Variants in STAM2 observed in about 807,000 individuals in gnomAD.
STAM2 encodes signal transducing adaptor molecule 2.
In STAM2, 51 loss-of-function variants were observed where a neutral mutation model predicts 65.6. That is an observed-to-expected ratio of 0.78 (90% CI 0.62 to 0.98). The LOEUF is 0.98. Among genes scored for constraint, STAM2 ranks in the 50% least tolerant of loss-of-function variants. The probability of loss-of-function intolerance (pLI) is 0.00; values close to 1 mark genes in which losing one functional copy is unlikely to be tolerated. For missense variants in STAM2, 584 were observed against 617.8 expected, an observed-to-expected ratio of 0.95 and a Z score of 0.58; for synonymous variants, 198 against 208.4, an observed-to-expected ratio of 0.95 and a Z score of 0.43.
chr2:152,166,032 G>C (rs961238095), intron 1 of STAM2, among the ~76,000 whole-genome samples: 1 of 152,084 alleles, frequency 6.6e-6, no homozygotes, highest in African/African-American at 2.4e-5. Context: ...GCGAAACTCT[G>C]TCTCTACTGA....
In STAM2 at chr2:152,133,490, G is replaced by A. The variant is rs1005188636; in HGVS notation, c.800-6C>T. ...ATTCAATTTGTCCACAGCCGCTATA[G>A]AAACAAAGTAATTTTAAGTTCCTCA... On this transcript the variant is annotated splice_polypyrimidine_tract_variant and splice_region_variant and intron_variant, in intron 8 of 13. Transcript: ENST00000263904. 6.2e-7 allele frequency: 1 copy of A among 1,607,416 alleles called. No individual in the cohort carries two copies. The highest frequency in any genetic ancestry group is 8.5e-7 in the Non-Finnish European group (1 of 1,176,654).
intron 7 of STAM2, among the ~76,000 whole-genome samples, chr2:152,137,578 A>G (rs1379169212): frequency 6.6e-6 from 1 of 152,122 alleles, no homozygotes; most frequent in African/African-American, 2.4e-5. Context: ...TCTTTTCAGC[A>G]TATGTTTATG....
chr2:152,149,038 T>C (rs1237914093), intron 2 of STAM2, among the ~76,000 whole-genome samples: 1 of 152,254 alleles, frequency 6.6e-6, no homozygotes, highest in Admixed American at 6.5e-5. Flanking sequence ...CTCTTCTAAA[T>C]TTCTAACATA....
chr2:152,117,923 CTAA>C lies in STAM2; in HGVS notation c.*2648_*2650del, dbSNP rs1220464131. On this transcript the variant is annotated 3_prime_UTR_variant, in exon 14 of 14. Transcript: ENST00000263904. ...TTCAAATCCTAACAAATATAATTAC[CTAA>C]TGTTTAAGTAATTTTATAAATAAAT... is the stretch of plus-strand genomic sequence containing the variant. 4 of 151,954 alleles carry C rather than the reference CTAA, an allele frequency of 2.6e-5. No homozygotes were observed. Among genetic ancestry groups the C allele is most frequent in the African/African-American group, 9.7e-5 (4 of 41,384 alleles). 9.4% of individuals were successfully genotyped at this position (151,954 alleles called of 1,614,324 possible). A position where few individuals can be genotyped will look rare whatever the true frequency, so the allele number is the denominator to read the frequency against.
intron 11 of STAM2, 124 bp downstream of exon 11, chr2:152,131,990 G>A (rs1006602737): frequency 6.4e-6 from 4 of 626,882 alleles, no homozygotes; most frequent in Admixed American, 6.7e-5. Context: ...AAAAGCCTGG[G>A]AAACTGAAAA....
chr2:152,157,351 T>C (rs2105557639), intron 1 of STAM2, among the ~76,000 whole-genome samples: 1 of 152,344 alleles, frequency 6.6e-6, no homozygotes, highest in East Asian at 1.9e-4. Flanking sequence ...ATTCTTATGT[T>C]GAAGCCGTAA....
intron 11 of STAM2, among the ~76,000 whole-genome samples, chr2:152,129,734 A>G (rs1689024249): frequency 6.6e-6 from 1 of 152,240 alleles, no homozygotes; most frequent in African/African-American, 2.4e-5. Flanking sequence ...AGCCACATCT[A>G]TCATAATACT....
intron 1 of STAM2, among the ~76,000 whole-genome samples, chr2:152,173,649 G>A (rs1689946432): frequency 6.6e-6 from 1 of 151,946 alleles, no homozygotes; most frequent in Non-Finnish European, 1.5e-5. Flanking sequence ...TACCCGCCTC[G>A]GCCTCCCAAA....
At chr2:152,125,662 T>C (rs1445122439) in intron 12 of STAM2, among the ~76,000 whole-genome samples, 1 of 152,238 alleles carries the variant, frequency 6.6e-6, no homozygotes, top group Non-Finnish European at 1.5e-5. Context: ...ACATGTATCA[T>C]ATCTTTGCTA....
intron 12 of STAM2, 184 bp downstream of exon 12, chr2:152,126,042 G>C (rs1688958928): frequency 4.4e-6 from 2 of 456,756 alleles, no homozygotes; most frequent in South Asian, 1.1e-4. Flanking sequence ...TGAAATATCA[G>C]TATCTGTCTA....
intron 13 of STAM2, among the ~76,000 whole-genome samples, chr2:152,121,476 C>A (rs1013047920): frequency 3.9e-5 from 6 of 152,128 alleles, no homozygotes; most frequent in African/African-American, 1.4e-4. Flanking sequence ...CTCAAGATGC[C>A]ACTTTCAGCC....
In STAM2 at chr2:152,144,870, A is replaced by G. The variant is rs760595279; in HGVS notation, c.517+18T>C. ...GATATTTTAAGCAACACTAAATTAC[A>G]TGTGCTTGATCATTTACCTTTAGCT... On this transcript the variant is annotated intron_variant, in intron 6 of 13. Transcript: ENST00000263904. 46 of 1,609,222 alleles carry G rather than the reference A, an allele frequency of 2.9e-5. No homozygotes were observed. The South Asian group carries it at 4.4e-4, about 15-fold the overall frequency.
At chr2:152,125,828 G>A (rs978564496) in intron 12 of STAM2, among the ~76,000 whole-genome samples, 1 of 152,190 alleles carries the variant, frequency 6.6e-6, no homozygotes, top group African/African-American at 2.4e-5. Context: ...CAGCAGGAAA[G>A]CGTTAGTACC....
intron 12 of STAM2, chr2:152,124,608 A>G (rs1300489627): frequency 6.6e-6 from 1 of 152,262 alleles, no homozygotes; most frequent in African/African-American, 2.4e-5. Context: ...CCACCTGTCT[A>G]CTAAATATAG....
chr2:152,126,946 CA>C (rs539762713), intron 11 of STAM2, among the ~76,000 whole-genome samples: 177 of 152,314 alleles, frequency 1.2e-3, no homozygotes, highest in African/African-American at 4.1e-3. Flanking sequence ...GTTTGCACAG[CA>C]GTGTTACCTT....
intron 1 of STAM2, 102 bp downstream of exon 1, chr2:152,175,501 T>C: frequency 6.7e-7 from 1 of 1,490,604 alleles, no homozygotes; most frequent in South Asian, 1.2e-5. Context: ...TCCCTTCGCT[T>C]TGCTTCCTAG....
chr2:152,141,801 G>C (rs935160419), intron 7 of STAM2, among the ~76,000 whole-genome samples: 2 of 151,860 alleles, frequency 1.3e-5, no homozygotes, highest in Non-Finnish European at 2.9e-5. Flanking sequence ...ATATTGACCA[G>C]GGTGGTCTCG....
At chr2:152,167,017 C>G (rs1689801215) in intron 1 of STAM2, among the ~76,000 whole-genome samples, 1 of 152,138 alleles carries the variant, frequency 6.6e-6, no homozygotes, top group African/African-American at 2.4e-5. Context: ...ATTTTTCATC[C>G]AACTGCTATC....
chr2:152,123,206 C>T (rs1267800960), intron 13 of STAM2, among the ~76,000 whole-genome samples: 1 of 151,866 alleles, frequency 6.6e-6, no homozygotes, highest in Non-Finnish European at 1.5e-5. Flanking sequence ...CCCGTCTCTA[C>T]TAAAAATACA....
Sources: allele counts gnomAD v4.1 joint callset (sites outside exome capture counted in the v4.1 genomes callset), GRCh38; gene constraint gnomAD v4.1.1; transcripts MANE v1.5; gene names NCBI Gene and HGNC (gene_info 2026-07-23, HGNC 2026-07-21).